The following PTPRN2 variants were observed in gnomAD, a reference collection of about 807,000 sequenced individuals.
PTPRN2 encodes the protein receptor-type tyrosine-protein phosphatase N2.
A neutral mutation model predicts 118.8 loss-of-function variants in PTPRN2; 74 were observed. The observed-to-expected ratio is 0.62, with a 90% CI of 0.52 to 0.76. The LOEUF (loss-of-function observed/expected upper bound fraction) is 0.76. Ranked by LOEUF, PTPRN2 falls within the 30% of genes least tolerant of loss-of-function variation. The probability of loss-of-function intolerance (pLI) is 0.00; values close to 1 mark genes in which losing one functional copy is unlikely to be tolerated. For synonymous variants in PTPRN2, 641 were observed against 608.0 expected (o/e 1.05, Z -0.80); for missense variants, 1,481 against 1,394.4 (o/e 1.06, Z -0.99).
At chr7:157,702,558 C>T (rs1007576894) in intron 12 of PTPRN2, among the ~76,000 whole-genome samples, 1 of 152,308 alleles carries the variant, frequency 6.6e-6, no homozygotes, top group African/African-American at 2.4e-5. Context: ...TCCTGTCCAC[C>T]GGCAGGCGTG....
At chr7:158,407,221 C>T (rs371648283) in intron 2 of PTPRN2, among the ~76,000 whole-genome samples, 7 of 13,098 alleles carry the variant, frequency 5.3e-4, no homozygotes, top group Non-Finnish European at 7.5e-4. Context: ...CTGCGTCCTG[C>T]GTCCTGGGTC....
intron 5 of PTPRN2, among the ~76,000 whole-genome samples, chr7:158,184,172 TTG>T (rs1473848096): frequency 1.3e-5 from 2 of 152,166 alleles, no homozygotes; most frequent in African/African-American, 4.8e-5. Flanking sequence ...TTTTTAAGGA[TTG>T]TGTTTTTGTA....
chr7:157,952,197 C>T (rs1479891168), intron 11 of PTPRN2, among the ~76,000 whole-genome samples: 5 of 152,188 alleles, frequency 3.3e-5, no homozygotes, highest in African/African-American at 1.2e-4. Context: ...GAGCCCCCCA[C>T]AGAATGTGCA....
Position 157,886,846 on chromosome 7 carries a change from T to C in PTPRN2, c.1788+11827A>G, listed in dbSNP as rs62478064. On this transcript the variant is annotated intron_variant, in intron 12 of 22. Transcript: ENST00000389418. ...GGTCTATCCTGGGGCCATCGAGGTC[T>C]TCGTCACAGAGCCAAGCCCACCACG... is the stretch of plus-strand genomic sequence containing the variant. Among the ~76,000 whole-genome samples, 232 of 36,564 alleles carry C rather than the reference T, an allele frequency of 6.3e-3. 1 individual carries two copies. The highest frequency in any genetic ancestry group is 0.016 in the South Asian group (16 of 1,016). 24.0% of individuals were successfully genotyped at this position (36,564 alleles called of 152,430 possible).
At chr7:157,666,762 G>C (rs1203189658) in intron 13 of PTPRN2, among the ~76,000 whole-genome samples, 2 of 152,244 alleles carry the variant, frequency 1.3e-5, no homozygotes, top group Non-Finnish European at 2.9e-5. Context: ...GATGTGTGTG[G>C]AGCACAGAGT....
rs77895495 is a variant in PTPRN2 at position 157,615,351 on chromosome 7, G to T, written c.2344+6011C>A. 1 of 440,538 alleles carries T rather than the reference G, an allele frequency of 2.3e-6. No homozygotes were observed. The highest frequency in any genetic ancestry group is 1.7e-5 in the South Asian group (1 of 59,190). 27.3% of individuals were successfully genotyped at this position (440,538 alleles called of 1,614,324 possible). On this transcript the variant is annotated intron_variant, in intron 15 of 22. Transcript: ENST00000389418. This position sits in a 1 kb window ranked among gnomAD's most constrained non-coding sequence, Gnocchi z 4.3. ...TGGGGTAGTGTAGGCTGCACTCTCC[G>T]GGGAGCCGCTGACCTTGGGCTCCCT...
intron 3 of PTPRN2, among the ~76,000 whole-genome samples, chr7:158,268,975 G>A (rs112625632): frequency 0.012 from 1,830 of 152,308 alleles, 21 homozygotes; most frequent in Non-Finnish European, 0.016. Context: ...GTTGAAAGCC[G>A]TTGCCGGGCC....
chr7:158,139,024 T>A (rs113628957), intron 6 of PTPRN2, among the ~76,000 whole-genome samples: 3,168 of 151,834 alleles, frequency 0.021, 93 homozygotes, highest in African/African-American at 0.07. Flanking sequence ...TCTAATTACA[T>A]CTAAACACAG....
chr7:158,132,895 G>A (rs1228933329), intron 9 of PTPRN2, among the ~76,000 whole-genome samples: 1 of 152,136 alleles, frequency 6.6e-6, no homozygotes, highest in Admixed American at 6.5e-5. Context: ...ACAAACGTGT[G>A]GGTGTGTGTA....
intron 11 of PTPRN2, among the ~76,000 whole-genome samples, chr7:157,981,761 C>T (rs747555853): frequency 6.6e-5 from 10 of 152,248 alleles, no homozygotes; most frequent in East Asian, 1.9e-4. Context: ...AGCAATACTT[C>T]GGAAAGGCAC....
Position 158,138,522 on chromosome 7 carries a change from G to A in PTPRN2, c.911-7C>T, listed in dbSNP as rs1819061472. Reference sequence around the variant, plus strand: ...AGGGTATGAATCCGTGCTCCTAGGGGCACACACACAAACACAAGGACGTTG... The same window carrying A: ...AGGGTATGAATCCGTGCTCCTAGGGACACACACACAAACACAAGGACGTTG... On this transcript the variant is annotated splice_polypyrimidine_tract_variant and splice_region_variant and intron_variant, in intron 6 of 22. Transcript: ENST00000389418. The A allele has an allele frequency of 8.1e-6, 13 of 1,608,080 alleles. No homozygotes were observed. The highest frequency in any genetic ancestry group is 1.1e-5 in the Non-Finnish European group (13 of 1,178,660).
intron 2 of PTPRN2, among the ~76,000 whole-genome samples, chr7:158,364,137 G>T (rs1809238506): frequency 6.6e-6 from 1 of 151,662 alleles, no homozygotes; most frequent in South Asian, 2.1e-4. Flanking sequence ...CCCCAGCAGG[G>T]TCTGCAGAGC....
chr7:157,844,712 G>A (rs997305660), intron 12 of PTPRN2, among the ~76,000 whole-genome samples: 2 of 152,196 alleles, frequency 1.3e-5, no homozygotes, highest in Non-Finnish European at 2.9e-5. Flanking sequence ...GTCCTAAGTT[G>A]CTCTGTGTTC....
chr7:158,121,195 C>T (rs1427054030), intron 9 of PTPRN2, among the ~76,000 whole-genome samples: 1 of 152,164 alleles, frequency 6.6e-6, no homozygotes, highest in Non-Finnish European at 1.5e-5. Flanking sequence ...CCCCTGCACC[C>T]CAGCCTCCCT....
At chr7:158,403,764 A>G (rs1169016909) in intron 2 of PTPRN2, among the ~76,000 whole-genome samples, 1 of 152,104 alleles carries the variant, frequency 6.6e-6, no homozygotes, top group Non-Finnish European at 1.5e-5. Flanking sequence ...CCAAAACCCC[A>G]CGAGGCTGAA....
intron 9 of PTPRN2, among the ~76,000 whole-genome samples, chr7:158,125,361 C>T (rs374782481): frequency 2.1e-5 from 3 of 140,278 alleles, no homozygotes; most frequent in East Asian, 4.3e-4. Context: ...CCCTGCCTCG[C>T]GTCCCTCCCA....
chr7:157,777,911 A>G (rs2151044995), intron 12 of PTPRN2, among the ~76,000 whole-genome samples: 1 of 152,248 alleles, frequency 6.6e-6, no homozygotes, highest in South Asian at 2.1e-4. Flanking sequence ...GGTTTAATCC[A>G]TAATATTGAT....
At chr7:158,488,917 T>C (rs1402151137) in intron 2 of PTPRN2, among the ~76,000 whole-genome samples, 1 of 152,218 alleles carries the variant, frequency 6.6e-6, no homozygotes, top group Non-Finnish European at 1.5e-5. Context: ...AACCCTCCCC[T>C]GCGCGTTCAG....
rs377546061 is a variant in PTPRN2 at position 157,784,545 on chromosome 7, G to A, written c.1789-101608C>T. Among the ~76,000 whole-genome samples the A allele has an allele frequency of 3.4e-4, 52 of 152,262 alleles. No individual in the cohort carries two copies. In the East Asian group the frequency reaches 9.5e-3, roughly 28 times the overall value. ...AGCGCTGGAGAGAAAGCCCTATCCC[G>A]CTCGGCCTGACCCTCCTCTCCACAA... On this transcript the variant is annotated intron_variant, in intron 12 of 22. Transcript: ENST00000389418. This position sits in a 1 kb window ranked among gnomAD's most constrained non-coding sequence, Gnocchi z 4.6.
Sources: allele counts gnomAD v4.1 joint callset (sites outside exome capture counted in the v4.1 genomes callset), GRCh38; gene constraint gnomAD v4.1.1; non-coding constraint Gnocchi (gnomAD v3.1); transcripts MANE v1.5; gene names NCBI Gene and HGNC (gene_info 2026-07-23, HGNC 2026-07-21).